Variants in DSCAML1 observed in about 807,000 individuals in gnomAD.
DSCAML1 encodes the protein DS cell adhesion molecule like 1.
A neutral mutation model predicts 200.5 loss-of-function variants in DSCAML1; 38 were observed. The observed-to-expected ratio is 0.19, with a 90% CI of 0.15 to 0.25. DSCAML1 has a LOEUF of 0.25. Ranked by LOEUF, DSCAML1 falls within the 10% of genes least tolerant of loss-of-function variation. DSCAML1 has a pLI of 1.00. For synonymous variants in DSCAML1, 1,215 were observed against 1,165.0 expected, an observed-to-expected ratio of 1.04 and a Z score of -0.87; for missense variants, 2,223 against 2,858.8, an observed-to-expected ratio of 0.78 and a Z score of 5.07.
intron 5 of DSCAML1, 82 bp downstream of exon 5, chr11:117,524,723 A>G (rs2137324083): frequency 6.8e-7 from 1 of 1,481,462 alleles, no homozygotes; most frequent in East Asian, 2.5e-5. Flanking sequence ...AGACAGGTCC[A>G]GCTGTCGGCC....
At chr11:117,735,358 G>A (rs2054298077) in intron 3 of DSCAML1, among the ~76,000 whole-genome samples, 1 of 152,170 alleles carries the variant, frequency 6.6e-6, no homozygotes, top group Non-Finnish European at 1.5e-5. Flanking sequence ...ATCTCACAGG[G>A]CATGTATTAC....
chr11:117,696,267 C>T lies in DSCAML1; in HGVS notation c.511+80524G>A, dbSNP rs541869557. Among the ~76,000 whole-genome samples, 6 of 152,248 alleles carry T rather than the reference C, an allele frequency of 3.9e-5. No homozygotes were observed. In the South Asian group the frequency reaches 1.0e-3, roughly 26 times the overall value. ...GAGGGGGAAGTTGAGCTGGTTCCCC[C>T]CTGGGGGCTTGATCTCTTCAATGGT... On this transcript the variant is annotated intron_variant, in intron 3 of 32. Transcript: ENST00000651296.
intron 32 of DSCAML1, 118 bp downstream of exon 32, chr11:117,430,604 A>C: frequency 8.0e-7 from 1 of 1,256,694 alleles, no homozygotes. Context: ...TGCACTGCCA[A>C]GGAGCCAAGC....
intron 19 of DSCAML1, among the ~76,000 whole-genome samples, chr11:117,452,057 G>A (rs906175352): frequency 9.9e-5 from 15 of 152,262 alleles, no homozygotes; most frequent in South Asian, 2.1e-4. Context: ...TGTCCTCCCT[G>A]CTACACAGTC....
chr11:117,594,893 G>A (rs1013501399), intron 3 of DSCAML1, among the ~76,000 whole-genome samples: 7 of 152,146 alleles, frequency 4.6e-5, no homozygotes, highest in Non-Finnish European at 8.8e-5. Flanking sequence ...TTGCCCTTTG[G>A]CAGTTTCTGT....
chr11:117,450,774 A>T (rs2048268336), intron 19 of DSCAML1, 86 bp from the exon 20 acceptor site: 2 of 1,495,310 alleles, frequency 1.3e-6, no homozygotes, highest in African/African-American at 2.8e-5. Flanking sequence ...AGGGAGGCAG[A>T]TCAATCTGGG....
chr11:117,538,130 G>A (rs2050201232), intron 3 of DSCAML1, among the ~76,000 whole-genome samples: 1 of 152,210 alleles, frequency 6.6e-6, no homozygotes, highest in Admixed American at 6.5e-5. Context: ...AGGGTGTGGT[G>A]GTCTGGGAAT....
rs1210799440 is a variant in DSCAML1 at position 117,443,360 on chromosome 11, C to G, written c.3862+526G>C. On this transcript the variant is annotated intron_variant, in intron 21 of 32. Coordinates refer to ENST00000651296, the MANE Select transcript of DSCAML1 (RefSeq NM_020693.4). ...CCGGTCAGAGATTCAGTGGGGCACT[C>G]CCTAAGAGGGTCTGATTCTAGCCCA... Among the ~76,000 whole-genome samples the G allele has an allele frequency of 2.0e-5, 3 of 152,248 alleles. No individual in the cohort carries two copies. In the East Asian group the frequency reaches 5.8e-4, roughly 29 times the overall value.
chr11:117,518,797 AAGCCATGGAGAGACGGTCCCCCC>A lies in DSCAML1; in HGVS notation c.1214-58_1214-36del, dbSNP rs1331305976. The A allele has an allele frequency of 2.8e-5, 45 of 1,589,816 alleles. No homozygotes were observed. The highest frequency in any genetic ancestry group is 3.8e-5 in the Non-Finnish European group (45 of 1,172,494). On this transcript the variant is annotated intron_variant, in intron 6 of 32. Transcript: ENST00000651296. The surrounding 1 kb of genome is among the most constrained non-coding windows in gnomAD (Gnocchi z 6.3). ...GCGAGAAGCCCCCTTCAGGGTCACC[AAGCCATGGAGAGACGGTCCCCCC>A]AGCCACCCCACCTCAGCAGGGGAGG...
At chr11:117,646,923 T>A (rs1565848788) in intron 3 of DSCAML1, among the ~76,000 whole-genome samples, 1 of 152,054 alleles carries the variant, frequency 6.6e-6, no homozygotes, top group African/African-American at 2.4e-5. Context: ...ATTATCAAAT[T>A]TCAGGTCCCA....
At chr11:117,577,463 T>C (rs796354515) in intron 3 of DSCAML1, among the ~76,000 whole-genome samples, 55,256 of 82,408 alleles carry the variant, frequency 0.67, 15,376 homozygotes, top group Non-Finnish European at 0.72. Context: ...CTTCCTTTCC[T>C]TCCTTCCTTC....
chr11:117,471,942 G>T lies in DSCAML1; in HGVS notation c.2880C>A (p.Ile960=). 6.2e-7 allele frequency: 1 copy of T among 1,614,176 alleles called. No individual in the cohort carries two copies. The highest frequency in any genetic ancestry group is 8.5e-7 in the Non-Finnish European group (1 of 1,180,028). Residue 960 remains isoleucine (I), a synonymous_variant, in exon 15 of 33, where the codon ATC becomes ATA. Coordinates refer to ENST00000651296, the MANE Select transcript of DSCAML1 (RefSeq NM_020693.4). The part of the protein sequence containing the change: ...VDLHPASVYS[I]RMYSFNKIGR... ...CAATCTTGTTGAAAGAGTACATGCGGATGCTGTACACAGATGCCGGGTGCA... is the reference window on the plus strand; with the variant it reads ...CAATCTTGTTGAAAGAGTACATGCGTATGCTGTACACAGATGCCGGGTGCA...
At chr11:117,604,181 C>A (rs1279587733) in intron 3 of DSCAML1, among the ~76,000 whole-genome samples, 3 of 152,228 alleles carry the variant, frequency 2.0e-5, no homozygotes, top group Non-Finnish European at 4.4e-5. Flanking sequence ...ACTTGCACGG[C>A]ATCTGACCCA....
chr11:117,661,793 A>G (rs2052859717), intron 3 of DSCAML1, among the ~76,000 whole-genome samples: 1 of 152,194 alleles, frequency 6.6e-6, no homozygotes, highest in South Asian at 2.1e-4. Flanking sequence ...ATGGAGGGGA[A>G]GAGCTGAGGA....
chr11:117,566,367 T>C (rs1365445057), intron 3 of DSCAML1, among the ~76,000 whole-genome samples: 1 of 151,144 alleles, frequency 6.6e-6, no homozygotes, highest in African/African-American at 2.4e-5. Flanking sequence ...TTTTTTTTTT[T>C]TCTAGGGCCT....
intron 12 of DSCAML1, 46 bp from the exon 13 acceptor site, chr11:117,481,316 GTCTT>G: frequency 1.3e-6 from 2 of 1,591,538 alleles, no homozygotes; most frequent in South Asian, 1.1e-5. Context: ...AACAGGGAGA[GTCTT>G]TTAGAGCTGG....
Position 117,647,808 on chromosome 11 carries a change from G to A in DSCAML1, c.512-115286C>T, listed in dbSNP as rs147075445. On this transcript the variant is annotated intron_variant, in intron 3 of 32. Coordinates refer to ENST00000651296, the MANE Select transcript of DSCAML1 (RefSeq NM_020693.4). ...GGGAGTTCAGGAAAGAGAAGGATGG[G>A]GAGCAAGGAGACTTGTCCCCAGGGA... Among the ~76,000 whole-genome samples the A allele has an allele frequency of 7.1e-3, 1,074 of 152,230 alleles. 7 individuals are homozygous for A. Among genetic ancestry groups the A allele is most frequent in the Non-Finnish European group, 0.01 (696 of 68,024 alleles).
intron 26 of DSCAML1, 99 bp from the exon 27 acceptor site, chr11:117,435,898 C>T: frequency 7.3e-7 from 1 of 1,373,678 alleles, no homozygotes; most frequent in Non-Finnish European, 9.8e-7. Context: ...CTCTTGCTGC[C>T]CTTGGGCTCT....
intron 3 of DSCAML1, among the ~76,000 whole-genome samples, chr11:117,574,997 C>G (rs1294132813): frequency 6.6e-6 from 1 of 152,058 alleles, no homozygotes; most frequent in Non-Finnish European, 1.5e-5. Context: ...TCGAGACCAG[C>G]CTGGCTAACA....
Sources: gnomAD v4.1 joint callset for allele counts (sites outside exome capture counted in the v4.1 genomes callset) on GRCh38, gnomAD v4.1.1 for gene constraint, Gnocchi (gnomAD v3.1) non-coding constraint, MANE v1.5 for transcripts, NCBI Gene and HGNC (gene_info 2026-07-23, HGNC 2026-07-21) for gene names.